The following COL5A1 variants were observed in gnomAD, a reference collection of about 807,000 sequenced individuals.
The protein encoded by COL5A1 is collagen alpha-1(V) chain.
COL5A1 carries 16 observed loss-of-function variants against 263.7 expected under a neutral mutation model. That is an observed-to-expected ratio of 0.06 (90% CI 0.04 to 0.09). COL5A1 has a LOEUF of 0.09. Ranked by LOEUF, COL5A1 falls within the 10% of genes least tolerant of loss-of-function variation. COL5A1 has a pLI of 1.00. For synonymous variants in COL5A1, 1,012 were observed against 1,004.5 expected (o/e 1.01, Z -0.14); for missense variants, 2,036 against 2,540.5 (o/e 0.80, Z 4.27).
Position 134,809,268 on chromosome 9 carries a change from C to T in COL5A1, c.3452C>T (p.Pro1151Leu), listed in dbSNP as rs1161280233. Reference protein sequence around the residue: ...GLPGPAGPVGPPGEDGDKGEI... With the variant: ...GLPGPAGPVGLPGEDGDKGEI... ...CCGGGTCCAGCTGGCCCTGTGGGTC[C>T]CCCTGGAGAAGACGGAGATAAGGTA... Residue 1151 changes from proline (P) to leucine (L), a missense_variant, in exon 43 of 66, where the codon CCC becomes CTC. Physicochemically the swap from Pro to Leu is moderately conservative, Grantham distance 98. This residue lies in a region of COL5A1 where 1,078 missense variants were observed against 1,521.4 expected (regional missense o/e 0.71). Coordinates refer to ENST00000371817, the MANE Select transcript of COL5A1 (RefSeq NM_000093.5). 6.2e-7 allele frequency: 1 copy of T among 1,609,088 alleles called. No individual in the cohort carries two copies. The highest frequency in any genetic ancestry group is 8.5e-7 in the Non-Finnish European group (1 of 1,178,352).
chr9:134,765,567 T>G lies in COL5A1; in HGVS notation c.2035-114T>G. 8 of 930,246 alleles carry G rather than the reference T, an allele frequency of 8.6e-6. No individual in the cohort carries two copies. The highest frequency in any genetic ancestry group is 1.2e-5 in the Non-Finnish European group (7 of 570,442). The allele number at this position is 930,246 out of a possible 1,614,324, so 57.6% of individuals were successfully genotyped here. A position where few individuals can be genotyped will look rare whatever the true frequency, so the allele number is the denominator to read the frequency against. On this transcript the variant is annotated intron_variant, in intron 20 of 65. Coordinates refer to ENST00000371817, the MANE Select transcript of COL5A1 (RefSeq NM_000093.5). The surrounding 1 kb of genome is among the most constrained non-coding windows in gnomAD (Gnocchi z 5.1). ...CTCACTCCTGGGAGGCCAGGAGGCC[T>G]GAGTCACCAGCTGGGGTTCTGGGTG...
At chr9:134,710,975 G>A (rs1472635964) in intron 4 of COL5A1, among the ~76,000 whole-genome samples, 10 of 147,364 alleles carry the variant, frequency 6.8e-5, no homozygotes, top group African/African-American at 2.5e-4. Flanking sequence ...TGCAGTGGTG[G>A]GGGAGGGGCC....
At chr9:134,759,917 T>TA (rs752111668) in intron 18 of COL5A1, among the ~76,000 whole-genome samples, 2,098 of 53,982 alleles carry the variant, frequency 0.039, 34 homozygotes, top group East Asian at 0.12. Context: ...ACCCCCACAC[T>TA]CATACATGCA....
At chr9:134,772,716 C>T (rs993552316) in intron 25 of COL5A1, 74 bp from the exon 26 acceptor site, 54 of 1,438,076 alleles carry the variant, frequency 3.8e-5, no homozygotes, top group Admixed American at 1.0e-4. Flanking sequence ...ATGGATGCTA[C>T]GCAGGGAGGG....
intron 4 of COL5A1, among the ~76,000 whole-genome samples, chr9:134,704,462 C>G (rs1283439236): frequency 6.6e-6 from 1 of 152,154 alleles, no homozygotes; most frequent in African/African-American, 2.4e-5. Context: ...GTTTTCCTAC[C>G]CTGGCTTGTT....
intron 1 of COL5A1, among the ~76,000 whole-genome samples, chr9:134,676,631 T>TC (rs1832691458): frequency 1.3e-5 from 1 of 77,216 alleles, no homozygotes; most frequent in African/African-American, 7.3e-5. Context: ...CTGGCATTCG[T>TC]CTTGGAGCCA....
chr9:134,841,464 T>C lies in COL5A1; in HGVS notation c.5371-693T>C, dbSNP rs1261726126. Among the ~76,000 whole-genome samples the C allele has an allele frequency of 6.6e-6, 1 of 152,138 alleles. No individual in the cohort carries two copies. Among genetic ancestry groups the C allele is most frequent in the African/African-American group, 2.4e-5 (1 of 41,426 alleles). On this transcript the variant is annotated intron_variant, in intron 65 of 65. Coordinates refer to ENST00000371817, the MANE Select transcript of COL5A1 (RefSeq NM_000093.5). This position sits in a 1 kb window ranked among gnomAD's most constrained non-coding sequence, Gnocchi z 4.8. Reference sequence around the variant, plus strand: ...CACATCCCAGCGCCCAGGGTTGTGCTGTTTTGAGCAAGGGATGGGTGCTGA... The same window carrying C: ...CACATCCCAGCGCCCAGGGTTGTGCCGTTTTGAGCAAGGGATGGGTGCTGA...
chr9:134,785,157 G>C (rs1837410269), intron 30 of COL5A1, 61 bp downstream of exon 30: 5 of 1,406,212 alleles, frequency 3.6e-6, no homozygotes, highest in Non-Finnish European at 5.0e-6. Flanking sequence ...CCTTCCCCAT[G>C]GCCTCGGGCT....
At chr9:134,672,433 A>C (rs1023955043) in intron 1 of COL5A1, among the ~76,000 whole-genome samples, 2 of 152,196 alleles carry the variant, frequency 1.3e-5, no homozygotes, top group African/African-American at 4.8e-5. Context: ...ACTTTCTACT[A>C]TTTGTTCCAT....
intron 4 of COL5A1, among the ~76,000 whole-genome samples, chr9:134,713,233 C>T (rs1217463216): frequency 6.6e-6 from 1 of 152,266 alleles, no homozygotes; most frequent in Non-Finnish European, 1.5e-5. Flanking sequence ...CTGAGCCCTA[C>T]CCCACTGGCT....
chr9:134,695,516 T>C (rs919163235), intron 2 of COL5A1, among the ~76,000 whole-genome samples: 3 of 152,108 alleles, frequency 2.0e-5, no homozygotes, highest in Non-Finnish European at 4.4e-5. Flanking sequence ...GAGGGGAAGA[T>C]GGAGGCAGCG....
At position 134,802,875 on chromosome 9, in the gene COL5A1, AT is replaced by A; in HGVS notation, c.3007-9del. ...CTCGAAACGTCTGTGGCTGACACTG[AT>A]TTTCCCCACAGGGTCCCACGGGAGA... is the stretch of plus-strand genomic sequence containing the variant. On this transcript the variant is annotated splice_polypyrimidine_tract_variant and intron_variant, in intron 38 of 65. Transcript: ENST00000371817. 1 of 1,601,534 alleles carries A rather than the reference AT, an allele frequency of 6.2e-7. No homozygotes were observed. The highest frequency in any genetic ancestry group is 8.5e-7 in the Non-Finnish European group (1 of 1,170,660).
At position 134,680,296 on chromosome 9, in the gene COL5A1, G is replaced by C. The variant is rs1416484314; in HGVS notation, c.110-10616G>C. Among the ~76,000 whole-genome samples the C allele has an allele frequency of 6.6e-6, 1 of 152,206 alleles. No individual in the cohort carries two copies. The highest frequency in any genetic ancestry group is 1.5e-5 in the Non-Finnish European group (1 of 68,034). ...TTTTCTCACCCTGTGAAACACTGCG[G>C]GTCGGTGCACAGGTGTCTGGATGTG... On this transcript the variant is annotated intron_variant, in intron 1 of 65. Transcript: ENST00000371817. The surrounding 1 kb of genome is among the most constrained non-coding windows in gnomAD (Gnocchi z 5.9).
rs200290973 is a variant in COL5A1, at chr9:134,700,078, G to A, written c.447G>A (p.Pro149=). 28 of 1,611,410 alleles carry A rather than the reference G, an allele frequency of 1.7e-5. No homozygotes were observed. Among genetic ancestry groups the A allele is most frequent in the Middle Eastern group, 3.3e-4 (2 of 6,070 alleles). The change falls in exon 3 of 66, where the codon CCG becomes CCA. Residue 149 remains proline (P), a synonymous_variant. Transcript: ENST00000371817. This position sits in a 1 kb window ranked among gnomAD's most constrained non-coding sequence, Gnocchi z 4.0. The part of the protein sequence containing the change: ...LYEDHTGKPG[P]EDYPLFRGIN... ...AGGACCACACGGGGAAGCCTGGCCC[G>A]GAAGACTACCCCCTCTTCCGGGGCA...
At chr9:134,780,621 T>C (rs1253347675) in intron 28 of COL5A1, among the ~76,000 whole-genome samples, 1 of 152,220 alleles carries the variant, frequency 6.6e-6, no homozygotes, top group Non-Finnish European at 1.5e-5. Flanking sequence ...AGAGAGGCCG[T>C]GCCATTGGCC....
intron 6 of COL5A1, 23 bp downstream of exon 6, chr9:134,728,830 G>A: frequency 6.2e-7 from 1 of 1,613,830 alleles, no homozygotes; most frequent in Non-Finnish European, 8.5e-7. Context: ...CGGGGGACTG[G>A]GTTGGGCTGG....
rs560686394 is a variant in COL5A1 at position 134,762,461 on chromosome 9, TGGGGCCAGAGCACAGGA to T, written c.1989+487_1989+503del. Among the ~76,000 whole-genome samples, 304 of 152,192 alleles carry T rather than the reference TGGGGCCAGAGCACAGGA, an allele frequency of 2.0e-3. 1 individual carries two copies. Among genetic ancestry groups the T allele is most frequent in the African/African-American group, 7.0e-3 (290 of 41,524 alleles). The stretch of plus-strand genomic sequence containing the variant: ...GTAGGGGAGCGAGTGGCTGTGGCCA[TGGGGCCAGAGCACAGGA>T]GGGAGCTGTTCTCCAGCATGGACGC... On this transcript the variant is annotated intron_variant, in intron 19 of 65. Transcript: ENST00000371817.
In COL5A1 at chr9:134,755,359, C is replaced by A. The variant is rs922486195; in HGVS notation, c.1827+1033C>A. ...CCTAGAGTGAGGTTAAAAACTGGAACAAGAGGAGACTCGGGAAATGCTGTC... is the reference window on the plus strand; with the variant it reads ...CCTAGAGTGAGGTTAAAAACTGGAAAAAGAGGAGACTCGGGAAATGCTGTC... On this transcript the variant is annotated intron_variant, in intron 16 of 65. Coordinates refer to ENST00000371817, the MANE Select transcript of COL5A1 (RefSeq NM_000093.5). This position sits in a 1 kb window ranked among gnomAD's most constrained non-coding sequence, Gnocchi z 4.1. Among the ~76,000 whole-genome samples, 1 of 152,200 alleles carries A rather than the reference C, an allele frequency of 6.6e-6. No homozygotes were observed. Among genetic ancestry groups the A allele is most frequent in the African/African-American group, 2.4e-5 (1 of 41,438 alleles).
At chr9:134,817,555 G>A (rs1838804237) in intron 53 of COL5A1, among the ~76,000 whole-genome samples, 2 of 152,198 alleles carry the variant, frequency 1.3e-5, no homozygotes, top group Admixed American at 6.5e-5. Flanking sequence ...GGAGTCCATA[G>A]GACTCATGCT....
Sources: gnomAD v4.1 joint callset for allele counts (sites outside exome capture counted in the v4.1 genomes callset) on GRCh38, gnomAD v4.1.1 for gene constraint, gnomAD v4.1.1 regional missense constraint, Gnocchi (gnomAD v3.1) non-coding constraint, MANE v1.5 for transcripts, NCBI Gene and HGNC (gene_info 2026-07-23, HGNC 2026-07-21) for gene names.